The following IL18BP variants were observed in gnomAD, a reference collection of about 807,000 sequenced individuals.
IL18BP encodes interleukin-18-binding protein.
Under a neutral mutation model 19.9 loss-of-function variants are expected in IL18BP, and 23 were observed. That is an observed-to-expected ratio of 1.15 (90% confidence interval 0.83 to 1.64). The LOEUF is 1.64. IL18BP is among the 40% of genes most tolerant of loss of function. The pLI is 0.00. For synonymous variants in IL18BP, 107 were observed against 101.0 expected (o/e 1.06, Z -0.35); for missense variants, 239 against 240.7 (o/e 0.99, Z 0.05).
chr11:72,007,170 CCT>C (rs752510261), downstream of IL18BP: 60 of 1,603,866 alleles, frequency 3.7e-5, no homozygotes, highest in African/African-American at 5.1e-4. Flanking sequence ...CCCTGCAGCC[CCT>C]GTCCCAGCAG....
At chr11:72,007,162 C>T, downstream of IL18BP, 1 of 1,601,676 alleles carries the variant, frequency 6.2e-7, no homozygotes, top group Non-Finnish European at 8.5e-7. Context: ...AATTGCTGCC[C>T]TGCAGCCCCT....
rs1320223671 is a variant in IL18BP at position 72,001,388 on chromosome 11, C to T, written c.360-17C>T. ...TTCTGCGGCCTTCTCATGACCTTTC[C>T]TTCCCTTCCGCTCCAGCCGGGAACG... On this transcript the variant is annotated splice_polypyrimidine_tract_variant and intron_variant, in intron 4 of 5. Coordinates refer to ENST00000393703, the MANE Select transcript of IL18BP (RefSeq NM_001039660.2). 2 of 1,614,184 alleles carry T rather than the reference C, an allele frequency of 1.2e-6. No homozygotes were observed. The highest frequency in any genetic ancestry group is 2.2e-5 in the East Asian group (1 of 44,888).
At chr11:72,005,754 C>T, downstream of IL18BP, 1 of 505,386 alleles carries the variant, frequency 2.0e-6, no homozygotes, top group Non-Finnish European at 3.5e-6. Flanking sequence ...AGCAGCCCAT[C>T]ACCGCCTGAG....
downstream of IL18BP, chr11:72,003,247 C>T (rs1955383732): frequency 2.0e-6 from 1 of 494,780 alleles, no homozygotes; most frequent in Non-Finnish European, 3.6e-6. Flanking sequence ...AGCCTCAAAT[C>T]TGGTTGTGAT....
downstream of IL18BP, among the ~76,000 whole-genome samples, chr11:72,006,490 CT>C (rs1955716269): frequency 6.6e-6 from 1 of 152,106 alleles, no homozygotes; most frequent in Non-Finnish European, 1.5e-5. Flanking sequence ...TTCATGGAGT[CT>C]ATTCATAATG....
intron 2 of IL18BP, 37 bp from the exon 3 acceptor site, chr11:72,000,314 C>T: frequency 6.3e-7 from 1 of 1,582,732 alleles, no homozygotes; most frequent in Non-Finnish European, 8.7e-7. Flanking sequence ...CCCACTCTGT[C>T]TCCAGAGCCG....
At chr11:72,001,603 T>C (rs1477975260) in intron 5 of IL18BP, 51 bp downstream of exon 5, 1 of 1,593,630 alleles carries the variant, frequency 6.3e-7, no homozygotes, top group Non-Finnish European at 8.5e-7. Flanking sequence ...TCTGCTTCCA[T>C]ATGTGGGGAG....
chr11:71,999,064 C>A, intron 1 of IL18BP, 45 bp downstream of exon 1: 2 of 473,080 alleles, frequency 4.2e-6, no homozygotes, highest in Non-Finnish European at 8.4e-6. Context: ...GTGGCTCTGG[C>A]CAGAGGGGCT....
At chr11:72,004,159 G>C (rs1471809572), downstream of IL18BP, 1 of 1,602,718 alleles carries the variant, frequency 6.2e-7, no homozygotes, top group African/African-American at 1.3e-5. Flanking sequence ...CCAGCGTGCT[G>C]TGCCACGCTC....
chr11:72,007,370 T>G, downstream of IL18BP: 6 of 1,613,792 alleles, frequency 3.7e-6, no homozygotes, highest in Non-Finnish European at 5.1e-6. Flanking sequence ...GGGCAGGCGC[T>G]GGGAGATAGG....
chr11:72,003,970 G>A (rs370795965), downstream of IL18BP: 37 of 1,613,170 alleles, frequency 2.3e-5, no homozygotes, highest in African/African-American at 4.0e-5. Context: ...GGAGAACGGC[G>A]GGTTCCACTG....
At chr11:72,003,083 G>A (rs1955371508), downstream of IL18BP, 2 of 250,866 alleles carry the variant, frequency 8.0e-6, no homozygotes, top group East Asian at 5.9e-5. Flanking sequence ...GCTCCCACCA[G>A]GTCAGACCCA....
At chr11:72,003,677 C>G, downstream of IL18BP, 1 of 1,198,034 alleles carries the variant, frequency 8.3e-7, no homozygotes, top group Non-Finnish European at 1.2e-6. Context: ...CAGTTGCTGG[C>G]TGTGCCTGAG....
chr11:72,002,453 GGC>G lies in IL18BP; in HGVS notation c.*593_*594del. The G allele has an allele frequency of 1.9e-5, 3 of 154,278 alleles. No homozygotes were observed. The highest frequency in any genetic ancestry group is 2.0e-4 in the South Asian group (1 of 4,932). 9.6% of individuals were successfully genotyped at this position (154,278 alleles called of 1,614,324 possible). ...TGGACTGTTCCAGGGAAGGGATGGG[GGC>G]AGCAGCTGCTTCGGATCCACACTGT... On this transcript the variant is annotated 3_prime_UTR_variant, in exon 6 of 6. Coordinates refer to ENST00000393703, the MANE Select transcript of IL18BP (RefSeq NM_001039660.2).
chr11:72,000,029 C>T lies in IL18BP; in HGVS notation c.28+17C>T, dbSNP rs751691579. 2.3e-5 allele frequency: 37 copies of T among 1,613,558 alleles called. No individual in the cohort carries two copies. Among genetic ancestry groups the T allele is most frequent in the East Asian group, 4.5e-5 (2 of 44,900 alleles). ...GGACACCAGGTAGGCCTTGGGGCTA[C>T]GCATGGGCAGGCGGGGTAGGGTGAG... On this transcript the variant is annotated intron_variant, in intron 2 of 5. Transcript: ENST00000393703.
intron 4 of IL18BP, 38 bp downstream of exon 4, chr11:72,001,362 C>T (rs1166855020): frequency 1.9e-6 from 3 of 1,614,222 alleles, no homozygotes; most frequent in Admixed American, 1.7e-5. Context: ...GGAAGGAGGC[C>T]TTCTGCGGCC....
Position 72,000,010 on chromosome 11 carries a change from C to G in IL18BP, c.26C>G (p.Pro9Arg), listed in dbSNP as rs199757051. 10 of 1,613,804 alleles carry G rather than the reference C, an allele frequency of 6.2e-6. No homozygotes were observed. Among genetic ancestry groups the G allele is most frequent in the Non-Finnish European group, 6.8e-6 (8 of 1,179,830 alleles). The change falls in exon 2 of 6, where the codon CCA becomes CGA. Residue 9 changes from proline (P) to arginine (R), a missense_variant and splice_region_variant. Coordinates refer to ENST00000393703, the MANE Select transcript of IL18BP (RefSeq NM_001039660.2). The part of the protein sequence containing the change: MTMRHNWT[P>R]DLSPLWVLLL... ...ATGACCATGAGACACAACTGGACACCAGGTAGGCCTTGGGGCTACGCATGG... is the reference window on the plus strand; with the variant it reads ...ATGACCATGAGACACAACTGGACACGAGGTAGGCCTTGGGGCTACGCATGG...
Position 72,002,308 on chromosome 11 carries a change from A to ACTTC in IL18BP, c.*448_*449insTTCC, listed in dbSNP as rs1955299819. The ACTTC allele has an allele frequency of 1.6e-5, 3 of 188,062 alleles. No individual in the cohort carries two copies. Among genetic ancestry groups the ACTTC allele is most frequent in the Admixed American group, 1.1e-4 (2 of 18,390 alleles). The allele number at this position is 188,062 out of a possible 1,614,324, so 11.6% of individuals were successfully genotyped here. A position where few individuals can be genotyped will look rare whatever the true frequency, so the allele number is the denominator to read the frequency against. ...TCTTCCTCACCGCCCCAGCAGGGGAACGCTCAAGCCTGGTTGAAATGCTGC... is the reference window on the plus strand; with the variant it reads ...TCTTCCTCACCGCCCCAGCAGGGGAACTTCCGCTCAAGCCTGGTTGAAATGCTGC... On this transcript the variant is annotated 3_prime_UTR_variant, in exon 6 of 6. Coordinates refer to ENST00000393703, the MANE Select transcript of IL18BP (RefSeq NM_001039660.2).
At chr11:72,006,076 G>A (rs912263809), downstream of IL18BP, 2 of 1,613,888 alleles carry the variant, frequency 1.2e-6, no homozygotes, top group Non-Finnish European at 8.5e-7. Context: ...GGAACGACGA[G>A]CAGAACTGCG....
Sources: gnomAD v4.1 joint callset for allele counts (sites outside exome capture counted in the v4.1 genomes callset) on GRCh38, gnomAD v4.1.1 for gene constraint, MANE v1.5 for transcripts, NCBI Gene and HGNC (gene_info 2026-07-23, HGNC 2026-07-21) for gene names.